ZYG11B: variants seen among roughly 807,000 people sequenced by gnomAD.
ZYG11B encodes the protein zyg-11 family member B, cell cycle regulator.
Under a neutral mutation model 82.4 loss-of-function variants are expected in ZYG11B, and 36 were observed. That is an observed-to-expected ratio of 0.44 (90% CI 0.33 to 0.58). The LOEUF is 0.58. ZYG11B is among the 20% of genes least tolerant of loss of function. The pLI is 0.02. For missense variants in ZYG11B, 552 were observed against 895.6 expected, an observed-to-expected ratio of 0.62 and a Z score of 4.90; for synonymous variants, 303 against 312.8, an observed-to-expected ratio of 0.97 and a Z score of 0.33.
intron 1 of ZYG11B, among the ~76,000 whole-genome samples, chr1:52,738,985 C>CTTCTTTTTTTTTTTT (rs1247210990): frequency 2.8e-5 from 3 of 106,308 alleles, no homozygotes; most frequent in South Asian, 3.1e-4. Flanking sequence ...GCCCTGTAAC[C>CTTCTTTTTTTTTTTT]TTTTTTTTTT....
At chr1:52,820,811 G>A (rs1645276944) in intron 13 of ZYG11B, among the ~76,000 whole-genome samples, 1 of 150,710 alleles carries the variant, frequency 6.6e-6, no homozygotes, top group African/African-American at 2.4e-5. Flanking sequence ...AAAAAGCATA[G>A]TAAATGCAGC....
At chr1:52,767,234 TTTATTTTATGTTG>T (rs1437695958) in intron 2 of ZYG11B, among the ~76,000 whole-genome samples, 3 of 151,754 alleles carry the variant, frequency 2.0e-5, no homozygotes, top group Non-Finnish European at 2.9e-5. Context: ...ATTTTGTTAT[TTTATTTTATGTTG>T]TTATTTTATG....
At chr1:52,784,426 G>A (rs1443646160) in intron 4 of ZYG11B, among the ~76,000 whole-genome samples, 1 of 152,216 alleles carries the variant, frequency 6.6e-6, no homozygotes, top group African/African-American at 2.4e-5. Context: ...GGGGGTTTGA[G>A]GGCAGAGGAA....
At chr1:52,790,526 C>G (rs1644947173) in intron 6 of ZYG11B, among the ~76,000 whole-genome samples, 1 of 151,984 alleles carries the variant, frequency 6.6e-6, no homozygotes, top group South Asian at 2.1e-4. Flanking sequence ...GTCAGGAGTT[C>G]GAGACCAGCC....
intron 8 of ZYG11B, among the ~76,000 whole-genome samples, chr1:52,797,172 A>ATATAT (rs1351911429): frequency 1.3e-4 from 9 of 68,930 alleles, no homozygotes; most frequent in African/African-American, 8.0e-4. Flanking sequence ...ATTATATATT[A>ATATAT]TATATATTTA....
At chr1:52,735,682 G>T (rs533619665) in intron 1 of ZYG11B, among the ~76,000 whole-genome samples, 2 of 151,980 alleles carry the variant, frequency 1.3e-5, no homozygotes, top group Non-Finnish European at 2.9e-5. Context: ...AACTACAGGC[G>T]CCCACTGCCA....
At chr1:52,759,987 C>T (rs1163694591) in intron 2 of ZYG11B, among the ~76,000 whole-genome samples, 1 of 152,110 alleles carries the variant, frequency 6.6e-6, no homozygotes, top group Non-Finnish European at 1.5e-5. Context: ...TGTGCCACCA[C>T]ACTTGGATAA....
At chr1:52,790,996 G>C (rs1235414049) in intron 6 of ZYG11B, among the ~76,000 whole-genome samples, 1 of 150,896 alleles carries the variant, frequency 6.6e-6, no homozygotes, top group Non-Finnish European at 1.5e-5. Flanking sequence ...TTTTGAGAAA[G>C]GGTCTCACTC....
chr1:52,812,173 A>G (rs1645189410), intron 10 of ZYG11B, among the ~76,000 whole-genome samples: 3 of 150,726 alleles, frequency 2.0e-5, no homozygotes, highest in South Asian at 4.2e-4. Context: ...TTTTTAGTCC[A>G]TTTCTTTGGA....
intron 2 of ZYG11B, among the ~76,000 whole-genome samples, chr1:52,759,736 T>G (rs1004844072): frequency 4.6e-5 from 7 of 152,244 alleles, no homozygotes; most frequent in Admixed American, 1.3e-4. Context: ...TGTCTCAATT[T>G]GTAAAAGTTG....
intron 1 of ZYG11B, among the ~76,000 whole-genome samples, chr1:52,741,246 C>T (rs980777921): frequency 3.0e-5 from 4 of 131,346 alleles, no homozygotes; most frequent in Admixed American, 2.9e-4. Context: ...TGCAGTGAGC[C>T]GAGATTGCAC....
chr1:52,728,329 T>C (rs986564992), intron 1 of ZYG11B, among the ~76,000 whole-genome samples: 2 of 152,230 alleles, frequency 1.3e-5, no homozygotes, highest in Non-Finnish European at 2.9e-5. Context: ...CAATCATGGC[T>C]CTTTGCAACC....
At chr1:52,773,977 T>A (rs1050555952) in intron 3 of ZYG11B, among the ~76,000 whole-genome samples, 22 of 151,628 alleles carry the variant, frequency 1.5e-4, no homozygotes, top group East Asian at 1.9e-4. Flanking sequence ...TGAGTGGAGA[T>A]CTTAAGGGTG....
At chr1:52,785,296 AG>A (rs1644904177) in intron 5 of ZYG11B, among the ~76,000 whole-genome samples, 1 of 152,124 alleles carries the variant, frequency 6.6e-6, no homozygotes, top group Admixed American at 6.6e-5. Context: ...CTAGATCTTG[AG>A]TTTGTGATCA....
intron 3 of ZYG11B, among the ~76,000 whole-genome samples, chr1:52,777,183 C>G (rs1644817371): frequency 6.6e-6 from 1 of 151,830 alleles, no homozygotes; most frequent in Non-Finnish European, 1.5e-5. Context: ...GCACTCCAGT[C>G]TGGGCGACAG....
At chr1:52,764,202 C>CA (rs745718057) in intron 2 of ZYG11B, among the ~76,000 whole-genome samples, 2 of 152,258 alleles carry the variant, frequency 1.3e-5, no homozygotes, top group East Asian at 3.9e-4. Context: ...CGGCTCACTG[C>CA]AACCTCCGCC....
intron 10 of ZYG11B, among the ~76,000 whole-genome samples, chr1:52,803,539 A>T (rs1293699147): frequency 6.6e-6 from 1 of 151,452 alleles, no homozygotes; most frequent in African/African-American, 2.4e-5. Context: ...AAAATATAAT[A>T]CGCATATGCT....
chr1:52,807,383 T>A (rs978392860), intron 10 of ZYG11B, among the ~76,000 whole-genome samples: 1 of 152,132 alleles, frequency 6.6e-6, no homozygotes, highest in Non-Finnish European at 1.5e-5. Context: ...ACATACTTAC[T>A]GTTTTTTGTA....
intron 2 of ZYG11B, among the ~76,000 whole-genome samples, chr1:52,759,821 T>C (rs528490064): frequency 6.6e-6 from 1 of 152,228 alleles, no homozygotes; most frequent in Non-Finnish European, 1.5e-5. Flanking sequence ...TTTTATTTTT[T>C]ATTTATTGCT....
Sources: gnomAD v4.1 joint callset for allele counts (sites outside exome capture counted in the v4.1 genomes callset) on GRCh38, gnomAD v4.1.1 for gene constraint, MANE v1.5 for transcripts, NCBI Gene and HGNC (gene_info 2026-07-23, HGNC 2026-07-21) for gene names.